Variants in ACE observed in about 807,000 individuals in gnomAD.
ACE encodes angiotensin I converting enzyme.
A neutral mutation model predicts 162.3 loss-of-function variants in ACE; 122 were observed. The ratio of observed to expected loss-of-function variants is 0.75; its 90% CI spans 0.65 to 0.87. ACE has a LOEUF of 0.87. Ranked by LOEUF, ACE falls within the 40% of genes least tolerant of loss-of-function variation. The pLI, the probability that ACE is intolerant of heterozygous loss-of-function variation, is 0.00. For synonymous variants in ACE, 796 were observed against 720.6 expected, an observed-to-expected ratio of 1.10 and a Z score of -1.68; for missense variants, 1,799 against 1,735.1, an observed-to-expected ratio of 1.04 and a Z score of -0.65.
rs779907934 is a variant in ACE, at chr17:63,481,161, C to T, written c.918C>T (p.Leu306=). The part of the protein sequence containing the change: ...MVVPFPDKPN[L]DVTSTMLQQG... ...TGCCTTTCCCAGACAAGCCCAACCT[C>T]GATGTCACCAGTACTATGCTGCAGC... Residue 306 remains leucine, a synonymous_variant, in exon 6 of 25, where the codon CTC becomes CTT. Coordinates refer to ENST00000290866, the MANE Select transcript of ACE (RefSeq NM_000789.4). 17 of 1,612,372 alleles carry T rather than the reference C, an allele frequency of 1.1e-5. No individual in the cohort carries two copies. In the South Asian group the frequency reaches 1.1e-4, roughly 10 times the overall value.
intron 16 of ACE, 22 bp downstream of exon 16, chr17:63,488,813 C>A: frequency 6.2e-7 from 1 of 1,614,084 alleles, no homozygotes. Context: ...CTGCCAACAT[C>A]ACTGGCACTT....
chr17:63,498,369 G>A lies in ACE; in HGVS notation c.*1003G>A, dbSNP rs1444300691. 2.0e-5 allele frequency: 3 copies of A among 152,146 alleles called. No homozygotes were observed. Among genetic ancestry groups the A allele is most frequent in the African/African-American group, 4.8e-5 (2 of 41,404 alleles). 9.4% of individuals were successfully genotyped at this position (152,146 alleles called of 1,614,324 possible). The stretch of plus-strand genomic sequence containing the variant: ...GAAAATAAAAGCCCTTTATATCAAC[G>A]TCAAGAGATAAGCCCTGTTGACGTT... On this transcript the variant is annotated 3_prime_UTR_variant, in exon 25 of 25. Coordinates refer to ENST00000290866, the MANE Select transcript of ACE (RefSeq NM_000789.4).
At position 63,477,234 on chromosome 17, in the gene ACE, A is replaced by G. The variant is rs767353320; in HGVS notation, c.140A>G (p.Gln47Arg). ...TTTTCTGCTGACGAGGCCGGGGCGC[A>G]GCTCTTCGCGCAGAGCTACAACTCC... ...GNFSADEAGAQLFAQSYNSSA... is the reference protein window; with the variant it reads ...GNFSADEAGARLFAQSYNSSA... Residue 47 changes from glutamine to arginine, a missense_variant, in exon 1 of 25, where the codon CAG (glutamine) becomes CGG (arginine). Coordinates refer to ENST00000290866, the MANE Select transcript of ACE (RefSeq NM_000789.4). The G allele has an allele frequency of 8.0e-6, 12 of 1,501,666 alleles. No individual in the cohort carries two copies. The East Asian group carries it at 2.3e-4, about 28-fold the overall frequency. The allele number at this position is 1,501,666 out of a possible 1,614,324, so 93.0% of individuals were successfully genotyped here.
chr17:63,496,438 T>G lies in ACE; in HGVS notation c.3425T>G (p.Leu1142Arg). 2 of 1,614,232 alleles carry G rather than the reference T, an allele frequency of 1.2e-6. No individual in the cohort carries two copies. The highest frequency in any genetic ancestry group is 8.5e-7 in the Non-Finnish European group (1 of 1,180,042). Residue 1142 changes from leucine (L) to arginine (R), a missense_variant, in exon 23 of 25, where the codon CTG becomes CGG. By Grantham distance (102) the Leu-to-Arg change is moderately radical (BLOSUM62 -2). Coordinates refer to ENST00000290866, the MANE Select transcript of ACE (RefSeq NM_000789.4). ...ATCCAGTTCCAGTTCCACGAGGCACTGTGCCAGGCAGCTGGCCACACGGGC... is the reference window on the plus strand; with the variant it reads ...ATCCAGTTCCAGTTCCACGAGGCACGGTGCCAGGCAGCTGGCCACACGGGC... Reference protein sequence around the residue: ...FIIQFQFHEALCQAAGHTGPL... With the variant: ...FIIQFQFHEARCQAAGHTGPL...
intron 19 of ACE, among the ~76,000 whole-genome samples, chr17:63,492,520 TG>T (rs1357047633): frequency 6.6e-6 from 1 of 152,192 alleles, no homozygotes; most frequent in African/African-American, 2.4e-5. Flanking sequence ...AGACAGGATC[TG>T]GGGGATGAGA....
chr17:63,489,291 G>A (rs944050914), intron 17 of ACE, among the ~76,000 whole-genome samples, 159 bp downstream of exon 17: 14 of 152,160 alleles, frequency 9.2e-5, no homozygotes, highest in African/African-American at 1.2e-4. Flanking sequence ...TGGGCGCTGG[G>A]AGTGGGGAGC....
In ACE at chr17:63,485,343, A is replaced by G; in HGVS notation, c.2029A>G (p.Asn677Asp). Residue 677 changes from asparagine (N) to aspartate (D), a missense_variant, in exon 13 of 25, where the codon AAC becomes GAC. Transcript: ENST00000290866. ...YAEANWNYNT[N>D]ITTETSKILL... ...CGAGGCCAACTGGAACTACAACACCAACATCACCACAGAGACCAGCAAGAT... is the reference window on the plus strand; with the variant it reads ...CGAGGCCAACTGGAACTACAACACCGACATCACCACAGAGACCAGCAAGAT... 1.9e-6 allele frequency: 3 copies of G among 1,614,040 alleles called. No homozygotes were observed. The highest frequency in any genetic ancestry group is 2.5e-6 in the Non-Finnish European group (3 of 1,180,004).
chr17:63,487,407 C>T (rs368424866), intron 15 of ACE, among the ~76,000 whole-genome samples: 5 of 152,106 alleles, frequency 3.3e-5, no homozygotes, highest in East Asian at 1.9e-4. Flanking sequence ...GGGGGGAACT[C>T]GGGGACACTA....
chr17:63,482,428 C>T (rs1177497959), intron 7 of ACE, 38 bp from the exon 8 acceptor site: 1 of 1,590,240 alleles, frequency 6.3e-7, no homozygotes, highest in South Asian at 1.1e-5. Context: ...CTGTTCTGTC[C>T]ATCCGTCACT....
Position 63,483,057 on chromosome 17 carries a change from G to A in ACE, c.1371G>A (p.Met457Ile). Reference sequence around the variant, plus strand: ...GTGACATCAATTACTTGCTAAAAATGGCACTGGAAAAAATTGCCTTCCTGC... The same window carrying A: ...GTGACATCAATTACTTGCTAAAAATAGCACTGGAAAAAATTGCCTTCCTGC... ...TESDINYLLK[M>I]ALEKIAFLPF... The change falls in exon 9 of 25, where the codon ATG becomes ATA. Residue 457 changes from methionine to isoleucine, a missense_variant. Physicochemically the swap from Met to Ile is conservative, Grantham distance 10 (BLOSUM62 1). Transcript: ENST00000290866. 6.2e-7 allele frequency: 1 copy of A among 1,614,146 alleles called. No individual in the cohort carries two copies. The highest frequency in any genetic ancestry group is 8.5e-7 in the Non-Finnish European group (1 of 1,180,032).
intron 1 of ACE, 131 bp downstream of exon 1, chr17:63,477,474 A>C: frequency 1.4e-6 from 1 of 704,604 alleles, no homozygotes; most frequent in Non-Finnish European, 1.8e-6. Context: ...CCTCGCCCCG[A>C]CAGTCAGCCG....
intron 22 of ACE, chr17:63,496,182 C>T (rs780713440): frequency 1.5e-5 from 10 of 655,474 alleles, no homozygotes; most frequent in Non-Finnish European, 2.4e-5. Flanking sequence ...GAGGCATCTA[C>T]ACAGGCACGG....
chr17:63,481,172 G>A lies in ACE; in HGVS notation c.929G>A (p.Ser310Asn), dbSNP rs774789681. ...GACAAGCCCAACCTCGATGTCACCA[G>A]TACTATGCTGCAGCAGGTAAGCTCT... is the stretch of plus-strand genomic sequence containing the variant. ...FPDKPNLDVT[S>N]TMLQQGWNAT... Residue 310 changes from serine (S) to asparagine (N), a missense_variant, in exon 6 of 25, where the codon AGT becomes AAT. Coordinates refer to ENST00000290866, the MANE Select transcript of ACE (RefSeq NM_000789.4). 3.2e-6 allele frequency: 5 copies of A among 1,584,798 alleles called. No homozygotes were observed. The African/African-American group carries it at 4.1e-5, about 13-fold the overall frequency.
Position 63,477,353 on chromosome 17 carries a change from C to T in ACE, c.249+10C>T. Reference sequence around the variant, plus strand: ...GAATGCAAGGCGCCAGGTGGGCGCCCGGGCCCGGGCGGGGGCGGGGCGGGG... The same window carrying T: ...GAATGCAAGGCGCCAGGTGGGCGCCTGGGCCCGGGCGGGGGCGGGGCGGGG... On this transcript the variant is annotated intron_variant, in intron 1 of 24. Coordinates refer to ENST00000290866, the MANE Select transcript of ACE (RefSeq NM_000789.4). 3.3e-6 allele frequency: 4 copies of T among 1,210,044 alleles called. No individual in the cohort carries two copies. The highest frequency in any genetic ancestry group is 3.1e-6 in the Non-Finnish European group (3 of 963,372). 75.0% of individuals were successfully genotyped at this position (1,210,044 alleles called of 1,614,324 possible).
In ACE at chr17:63,477,263, G is replaced by A. The variant is rs2049631676; in HGVS notation, c.169G>A (p.Ala57Thr). The change falls in exon 1 of 25, where the codon GCC becomes ACC. Residue 57 changes from alanine to threonine, a missense_variant. Ala to Thr is a moderately conservative substitution (Grantham distance 58, BLOSUM62 0). Coordinates refer to ENST00000290866, the MANE Select transcript of ACE (RefSeq NM_000789.4). ...CTTCGCGCAGAGCTACAACTCCAGC[G>A]CCGAACAGGTGCTGTTCCAGAGCGT... ...QLFAQSYNSSAEQVLFQSVAA... is the reference protein window; with the variant it reads ...QLFAQSYNSSTEQVLFQSVAA... 1.3e-6 allele frequency: 2 copies of A among 1,497,952 alleles called. No individual in the cohort carries two copies. Among genetic ancestry groups the A allele is most frequent in the African/African-American group, 2.9e-5 (2 of 68,998 alleles). 92.8% of individuals were successfully genotyped at this position (1,497,952 alleles called of 1,614,324 possible).
Position 63,479,794 on chromosome 17 carries a change from G to T in ACE, c.537G>T (p.Ser179=), listed in dbSNP as rs3730022. The T allele has an allele frequency of 7.8e-5, 126 of 1,613,318 alleles. No individual in the cohort carries two copies. The African/African-American group carries it at 1.3e-3, about 17-fold the overall frequency. Residue 179 remains serine (S), a synonymous_variant, in exon 4 of 25, where the codon TCG becomes TCT. Transcript: ENST00000290866. ...ATCTCACCAACATCCTGGCTTCCTCGCGAAGCTACGCCATGCTCCTGTTTG... is the reference window on the plus strand; with the variant it reads ...ATCTCACCAACATCCTGGCTTCCTCTCGAAGCTACGCCATGCTCCTGTTTG... ...DPDLTNILAS[S]RSYAMLLFAW...
In ACE at chr17:63,480,515, T is replaced by G; in HGVS notation, c.834T>G (p.Pro278=). ...DRYINLRGPI[P]AHLLGDMWAQ... ...ACATCAACCTCAGGGGACCCATCCC[T>G]GCTCATCTGCTGGGTAAGGACCTGG... Residue 278 remains proline, a synonymous_variant, in exon 5 of 25, where the codon CCT becomes CCG. Coordinates refer to ENST00000290866, the MANE Select transcript of ACE (RefSeq NM_000789.4). 3 of 1,613,838 alleles carry G rather than the reference T, an allele frequency of 1.9e-6. No individual in the cohort carries two copies. The highest frequency in any genetic ancestry group is 1.7e-6 in the Non-Finnish European group (2 of 1,180,020).
rs996585219 is a variant in ACE at position 63,491,575 on chromosome 17, T to C, written c.2912+194T>C. Among the ~76,000 whole-genome samples the C allele has an allele frequency of 6.6e-6, 1 of 152,188 alleles. No homozygotes were observed. The highest frequency in any genetic ancestry group is 1.5e-5 in the Non-Finnish European group (1 of 68,034). On this transcript the variant is annotated intron_variant, in intron 19 of 24. Transcript: ENST00000290866. The surrounding 1 kb of genome is among the most constrained non-coding windows in gnomAD (Gnocchi z 4.4). ...ACCCCATCCGCCTGATGGGGACTTC[T>C]GAAGCACGCAACAGCTCTGTCAGCC... is the stretch of plus-strand genomic sequence containing the variant.
chr17:63,493,818 A>G (rs1599154706), intron 20 of ACE, 104 bp from the exon 21 acceptor site: 2 of 1,535,148 alleles, frequency 1.3e-6, no homozygotes, highest in East Asian at 2.3e-5. Flanking sequence ...GGCAGGTCAC[A>G]GGGCCCAAAA....
Sources: allele counts gnomAD v4.1 joint callset (sites outside exome capture counted in the v4.1 genomes callset), GRCh38; gene constraint gnomAD v4.1.1; non-coding constraint Gnocchi (gnomAD v3.1); transcripts MANE v1.5; gene names NCBI Gene and HGNC (gene_info 2026-07-23, HGNC 2026-07-21).